MYO6: variants seen among roughly 807,000 people sequenced by gnomAD.
The protein encoded by MYO6 is unconventional myosin-VI.
MYO6 carries 74 observed loss-of-function variants against 178.7 expected under a neutral mutation model. The ratio of observed to expected loss-of-function variants is 0.41; its 90% CI spans 0.34 to 0.50. The LOEUF (loss-of-function observed/expected upper bound fraction) is 0.50, where lower values mean the gene tolerates loss of function less well. MYO6 is among the 20% of genes least tolerant of loss of function. The pLI is 0.09. For synonymous variants in MYO6, 477 were observed against 504.6 expected (o/e 0.95, Z 0.73); for missense variants, 1,330 against 1,547.4 (o/e 0.86, Z 2.36).
At chr6:75,908,254 G>T (rs1780493001) in intron 31 of MYO6, among the ~76,000 whole-genome samples, 1 of 152,078 alleles carries the variant, frequency 6.6e-6, no homozygotes, top group Non-Finnish European at 1.5e-5. Context: ...GACCTGTTTA[G>T]TTCAGAGTTC....
chr6:75,917,665 A>G lies in MYO6; in HGVS notation c.*2653A>G, dbSNP rs1781191550. On this transcript the variant is annotated 3_prime_UTR_variant, in exon 35 of 35. Coordinates refer to ENST00000369977, the MANE Select transcript of MYO6 (RefSeq NM_004999.4). ...TTCTGCTTCTGTAATGACTTTTCAT[A>G]GGTCATTCTTGTGAACCATTTTGTT... 1.3e-5 allele frequency: 2 copies of G among 152,504 alleles called. No individual in the cohort carries two copies. The highest frequency in any genetic ancestry group is 4.8e-5 in the African/African-American group (2 of 41,468). The allele number at this position is 152,504 out of a possible 1,614,324, so 9.4% of individuals were successfully genotyped here. A position where few individuals can be genotyped will look rare whatever the true frequency, so the allele number is the denominator to read the frequency against.
intron 30 of MYO6, among the ~76,000 whole-genome samples, chr6:75,902,253 G>A (rs2149398151): frequency 6.6e-6 from 1 of 152,294 alleles, no homozygotes; most frequent in East Asian, 1.9e-4. Context: ...ATGAGTTAGG[G>A]AGGATTCCCT....
chr6:75,833,769 C>T (rs1388682027), intron 6 of MYO6, among the ~76,000 whole-genome samples: 4 of 152,132 alleles, frequency 2.6e-5, no homozygotes, highest in Non-Finnish European at 5.9e-5. Flanking sequence ...TAGGTTACTT[C>T]CACCTCTTGG....
At chr6:75,753,474 T>G (rs890304632) in intron 1 of MYO6, among the ~76,000 whole-genome samples, 1 of 150,306 alleles carries the variant, frequency 6.7e-6, no homozygotes, top group Admixed American at 6.7e-5. Context: ...TATATATATA[T>G]ATATATGTTT....
chr6:75,919,435 A>C lies in MYO6; in HGVS notation c.*4423A>C, dbSNP rs1404995619. The C allele has an allele frequency of 1.4e-5, 1 of 70,574 alleles. No individual in the cohort carries two copies. The highest frequency in any genetic ancestry group is 3.3e-5 in the Non-Finnish European group (1 of 30,344). 4.4% of individuals were successfully genotyped at this position (70,574 alleles called of 1,614,324 possible). ...TGAAAATTCATCTAGTCAAACTGTCAATTAATTTTTCCTCATTTCATTAAA... is the reference window on the plus strand; with the variant it reads ...TGAAAATTCATCTAGTCAAACTGTCCATTAATTTTTCCTCATTTCATTAAA... On this transcript the variant is annotated 3_prime_UTR_variant, in exon 35 of 35. Coordinates refer to ENST00000369977, the MANE Select transcript of MYO6 (RefSeq NM_004999.4).
intron 16 of MYO6, among the ~76,000 whole-genome samples, chr6:75,865,811 T>A (rs1776618431): frequency 6.6e-6 from 1 of 152,204 alleles, no homozygotes; most frequent in Admixed American, 6.5e-5. Context: ...TGAAATAGAT[T>A]CAGGCTCCTT....
chr6:75,889,886 G>C (rs528706766), intron 25 of MYO6, among the ~76,000 whole-genome samples, 171 bp from the exon 26 acceptor site: 1 of 152,276 alleles, frequency 6.6e-6, no homozygotes, highest in East Asian at 1.9e-4. Flanking sequence ...AGTTTTTGCT[G>C]TATTTGCATA....
intron 30 of MYO6, among the ~76,000 whole-genome samples, chr6:75,901,068 G>A (rs1779734318): frequency 6.6e-6 from 1 of 152,068 alleles, no homozygotes; most frequent in Non-Finnish European, 1.5e-5. Context: ...ATTTCTGAGG[G>A]CTCTGTTCTG....
intron 18 of MYO6, 90 bp from the exon 19 acceptor site, chr6:75,870,552 GTTATT>G: frequency 1.0e-6 from 1 of 955,976 alleles, no homozygotes; most frequent in South Asian, 1.4e-5. Context: ...GTTATTGCAT[GTTATT>G]TTATTCCAGT....
chr6:75,864,724 T>G (rs2149305010), intron 16 of MYO6, among the ~76,000 whole-genome samples: 1 of 152,346 alleles, frequency 6.6e-6, no homozygotes, highest in South Asian at 2.1e-4. Flanking sequence ...GCTGCTTTTG[T>G]CAACCAAGAA....
chr6:75,894,789 A>G, intron 28 of MYO6: 3 of 1,502,804 alleles, frequency 2.0e-6, no homozygotes, highest in Non-Finnish European at 2.7e-6. Context: ...CTGCTTCAAT[A>G]AGCAATTTTA....
At chr6:75,902,016 C>T (rs1779819864) in intron 30 of MYO6, among the ~76,000 whole-genome samples, 2 of 152,168 alleles carry the variant, frequency 1.3e-5, no homozygotes, top group South Asian at 4.1e-4. Context: ...TGTTTATATG[C>T]TGGCTTACAT....
At chr6:75,825,065 C>T (rs141004527) in intron 3 of MYO6, among the ~76,000 whole-genome samples, 1 of 152,064 alleles carries the variant, frequency 6.6e-6, no homozygotes. Context: ...AGCTATAGCT[C>T]TGAGTTTTCT....
At chr6:75,855,366 C>A in intron 12 of MYO6, 83 bp downstream of exon 12, 2 of 1,410,636 alleles carry the variant, frequency 1.4e-6, no homozygotes, top group Non-Finnish European at 2.0e-6. Context: ...CTGTTTAAAA[C>A]CTGAGCTTGG....
chr6:75,900,525 A>G (rs1779680713), intron 30 of MYO6, among the ~76,000 whole-genome samples: 1 of 152,064 alleles, frequency 6.6e-6, no homozygotes, highest in African/African-American at 2.4e-5. Flanking sequence ...TTGGCTGCAT[A>G]AATGTCTTCT....
At chr6:75,907,794 ATGTGTGTGTG>A (rs71002774) in intron 31 of MYO6, 86 bp downstream of exon 31, 8 of 751,220 alleles carry the variant, frequency 1.1e-5, no homozygotes, top group African/African-American at 3.5e-5. Flanking sequence ...GTGTGTGTGT[ATGTGTGTGTG>A]TGTGTGTGTG....
At chr6:75,753,971 C>G (rs1016488359) in intron 1 of MYO6, among the ~76,000 whole-genome samples, 7 of 152,090 alleles carry the variant, frequency 4.6e-5, no homozygotes, top group Non-Finnish European at 1.5e-5. Flanking sequence ...AAAGTTTTCC[C>G]TGTGAGTACT....
At position 75,867,230 on chromosome 6, in the gene MYO6, T is replaced by A. The variant is rs1215363891; in HGVS notation, c.1944+125T>A. 3 of 724,570 alleles carry A rather than the reference T, an allele frequency of 4.1e-6. No individual in the cohort carries two copies. In the African/African-American group the frequency reaches 5.4e-5, roughly 13 times the overall value. 44.9% of individuals were successfully genotyped at this position (724,570 alleles called of 1,614,324 possible). ...GTGAAGTTCAAGAGCAGACCCTGCATTGTTGATATTTGTATGTAAAATATC... is the reference window on the plus strand; with the variant it reads ...GTGAAGTTCAAGAGCAGACCCTGCAATGTTGATATTTGTATGTAAAATATC... On this transcript the variant is annotated intron_variant, in intron 18 of 34. Transcript: ENST00000369977.
chr6:75,771,444 TG>T (rs1209603765), intron 1 of MYO6, among the ~76,000 whole-genome samples: 1 of 152,216 alleles, frequency 6.6e-6, no homozygotes, highest in East Asian at 1.9e-4. Flanking sequence ...TACATTTATC[TG>T]TAGTTGTTCC....
Sources: gnomAD v4.1 joint callset for allele counts (sites outside exome capture counted in the v4.1 genomes callset) on GRCh38, gnomAD v4.1.1 for gene constraint, MANE v1.5 for transcripts, NCBI Gene and HGNC (gene_info 2026-07-23, HGNC 2026-07-21) for gene names.